The following CCBE1 variants were observed in gnomAD, a reference collection of about 807,000 sequenced individuals.
The protein encoded by CCBE1 is collagen and calcium-binding EGF domain-containing protein 1.
Under a neutral mutation model 50.0 loss-of-function variants are expected in CCBE1, and 37 were observed. The observed-to-expected ratio is 0.74, with a 90% CI of 0.57 to 0.97. The LOEUF (loss-of-function observed/expected upper bound fraction) is 0.97. Ranked by LOEUF, CCBE1 falls within the 50% of genes least tolerant of loss-of-function variation. The probability of loss-of-function intolerance (pLI) is 0.00; values close to 1 mark genes in which losing one functional copy is unlikely to be tolerated. For missense variants in CCBE1, 538 were observed against 523.8 expected, an observed-to-expected ratio of 1.03 and a Z score of -0.26; for synonymous variants, 234 against 203.7, an observed-to-expected ratio of 1.15 and a Z score of -1.27.
intron 6 of CCBE1, among the ~76,000 whole-genome samples, chr18:59,450,148 G>A (rs902413978): frequency 1.2e-4 from 19 of 152,156 alleles, no homozygotes; most frequent in African/African-American, 3.4e-4. Flanking sequence ...GGAATTATGC[G>A]TATCATTTAT....
chr18:59,637,402 A>G (rs1014012017), intron 2 of CCBE1, among the ~76,000 whole-genome samples: 1 of 152,202 alleles, frequency 6.6e-6, no homozygotes, highest in South Asian at 2.1e-4. Context: ...TGATTTATCC[A>G]TCAATTACAA....
At chr18:59,569,553 A>G (rs1411636747) in intron 2 of CCBE1, among the ~76,000 whole-genome samples, 1 of 152,214 alleles carries the variant, frequency 6.6e-6, no homozygotes, top group Non-Finnish European at 1.5e-5. Context: ...TAGAGTCAAA[A>G]TGAGGCACAA....
At position 59,572,746 on chromosome 18, in the gene CCBE1, T is replaced by C. The variant is rs527721519; in HGVS notation, c.213-92508A>G. On this transcript the variant is annotated intron_variant, in intron 2 of 10. Coordinates refer to ENST00000439986, the MANE Select transcript of CCBE1 (RefSeq NM_133459.4). Reference sequence around the variant, plus strand: ...CAGCTGAAACTGAATCCCAGAACCATTTTCACAAGAATAAACTATGACTTC... The same window carrying C: ...CAGCTGAAACTGAATCCCAGAACCACTTTCACAAGAATAAACTATGACTTC... Among the ~76,000 whole-genome samples the C allele has an allele frequency of 3.9e-5, 6 of 152,296 alleles. No homozygotes were observed. In the East Asian group the frequency reaches 7.7e-4, roughly 20 times the overall value.
intron 2 of CCBE1, among the ~76,000 whole-genome samples, chr18:59,664,268 T>C (rs1599115164): frequency 6.6e-6 from 1 of 152,094 alleles, no homozygotes; most frequent in South Asian, 2.1e-4. Flanking sequence ...CCCATCACCT[T>C]AGAGGTTAGG....
intron 5 of CCBE1, among the ~76,000 whole-genome samples, chr18:59,461,618 C>T (rs955434302): frequency 6.6e-6 from 1 of 151,982 alleles, no homozygotes; most frequent in South Asian, 2.1e-4. Flanking sequence ...CTGGAGAGCA[C>T]CCTTAGTAGA....
At chr18:59,603,190 C>A (rs187790133) in intron 2 of CCBE1, among the ~76,000 whole-genome samples, 1 of 152,244 alleles carries the variant, frequency 6.6e-6, no homozygotes, top group East Asian at 1.9e-4. Context: ...TCTGGAATGA[C>A]CATGAGAAGA....
At chr18:59,590,964 G>GATCAAGTTCCAGATGCAA (rs1359469635) in intron 2 of CCBE1, among the ~76,000 whole-genome samples, 5 of 98,092 alleles carry the variant, frequency 5.1e-5, no homozygotes, top group South Asian at 3.2e-4. Flanking sequence ...TGCTAAGTAG[G>GATCAAGTTCCAGATGCAA]CCGGGCGCGG....
chr18:59,692,232 G>C (rs1049876357), intron 2 of CCBE1, among the ~76,000 whole-genome samples: 1 of 152,206 alleles, frequency 6.6e-6, no homozygotes, highest in African/African-American at 2.4e-5. Flanking sequence ...TGATGACGAT[G>C]GGAGGTATTA....
chr18:59,497,699 A>G (rs1913419950), intron 2 of CCBE1, among the ~76,000 whole-genome samples: 1 of 152,080 alleles, frequency 6.6e-6, no homozygotes, highest in Non-Finnish European at 1.5e-5. Flanking sequence ...TACCCCTCAA[A>G]CCAGTGGTGT....
intron 9 of CCBE1, among the ~76,000 whole-genome samples, chr18:59,438,903 A>T (rs1449848702): frequency 6.6e-6 from 1 of 152,074 alleles, no homozygotes; most frequent in African/African-American, 2.4e-5. Flanking sequence ...TAATACCAGC[A>T]CTTTGGGAGG....
chr18:59,683,710 G>A (rs2054621609), intron 2 of CCBE1, among the ~76,000 whole-genome samples: 1 of 148,994 alleles, frequency 6.7e-6, no homozygotes, highest in African/African-American at 2.6e-5. Context: ...AAAAAGAGAG[G>A]AAAGAAAGGA....
chr18:59,661,657 T>C lies in CCBE1; in HGVS notation c.212+34972A>G, dbSNP rs138257825. Reference sequence around the variant, plus strand: ...ACCTTGTTTTATGTATATTTCTGTTTAAAGACACCTTATTTAATAGATTCT... The same window carrying C: ...ACCTTGTTTTATGTATATTTCTGTTCAAAGACACCTTATTTAATAGATTCT... On this transcript the variant is annotated intron_variant, in intron 2 of 10. Coordinates refer to ENST00000439986, the MANE Select transcript of CCBE1 (RefSeq NM_133459.4). Among the ~76,000 whole-genome samples the C allele has an allele frequency of 2.6e-5, 4 of 152,264 alleles. No individual in the cohort carries two copies. In the East Asian group the frequency reaches 7.7e-4, roughly 29 times the overall value.
At chr18:59,636,518 C>A (rs896082918) in intron 2 of CCBE1, among the ~76,000 whole-genome samples, 1 of 152,148 alleles carries the variant, frequency 6.6e-6, no homozygotes, top group Non-Finnish European at 1.5e-5. Flanking sequence ...CATAAAGATC[C>A]AAGGACAAGG....
intron 2 of CCBE1, among the ~76,000 whole-genome samples, chr18:59,622,616 C>A (rs942686721): frequency 5.9e-5 from 9 of 151,638 alleles, no homozygotes; most frequent in Admixed American, 5.3e-4. Context: ...GCCTGACCAA[C>A]GTGGTGAAAC....
chr18:59,511,185 T>C (rs143621613), intron 2 of CCBE1, among the ~76,000 whole-genome samples: 112 of 152,362 alleles, frequency 7.4e-4, no homozygotes, highest in African/African-American at 2.6e-3. Flanking sequence ...CTGGCAACTA[T>C]ACCCTAACTG....
At chr18:59,654,651 G>T (rs543352128) in intron 2 of CCBE1, among the ~76,000 whole-genome samples, 1 of 151,822 alleles carries the variant, frequency 6.6e-6, no homozygotes, top group Admixed American at 6.6e-5. Context: ...AATTAGCCGG[G>T]CATGGTCGCA....
intron 2 of CCBE1, among the ~76,000 whole-genome samples, chr18:59,484,429 G>T (rs1203562042): frequency 2.6e-5 from 4 of 152,222 alleles, no homozygotes; most frequent in African/African-American, 4.8e-5. Flanking sequence ...GCGTTTTAAA[G>T]TTCATGCAAA....
chr18:59,677,259 T>C (rs796642522), intron 2 of CCBE1, among the ~76,000 whole-genome samples: 2 of 152,278 alleles, frequency 1.3e-5, no homozygotes, highest in African/African-American at 2.4e-5. Context: ...GATAAAAGAT[T>C]TGATGCAAAG....
intron 2 of CCBE1, among the ~76,000 whole-genome samples, chr18:59,560,737 T>C (rs967252013): frequency 6.6e-6 from 1 of 151,736 alleles, no homozygotes; most frequent in Non-Finnish European, 1.5e-5. Context: ...CTCATAAGAG[T>C]GTGGCAGGGC....
Sources: gnomAD v4.1 joint callset for allele counts (sites outside exome capture counted in the v4.1 genomes callset) on GRCh38, gnomAD v4.1.1 for gene constraint, MANE v1.5 for transcripts, NCBI Gene and HGNC (gene_info 2026-07-23, HGNC 2026-07-21) for gene names.